Variants in TAF12 observed in about 807,000 individuals in gnomAD.
The protein encoded by TAF12 is transcription initiation factor TFIID subunit 12.
TAF12 carries 3 observed loss-of-function variants against 20.8 expected under a neutral mutation model. That is an observed-to-expected ratio of 0.14 (90% CI 0.07 to 0.37). TAF12 has a LOEUF of 0.37. Among genes scored for constraint, TAF12 ranks in the 10% least tolerant of loss-of-function variants. TAF12 has a pLI of 1.00. For synonymous variants in TAF12, 69 were observed against 70.2 expected (o/e 0.98, Z 0.09); for missense variants, 131 against 197.9 (o/e 0.66, Z 2.03).
At chr1:28,606,703 T>C (rs1666679614) in intron 4 of TAF12, among the ~76,000 whole-genome samples, 1 of 152,226 alleles carries the variant, frequency 6.6e-6, no homozygotes, top group Non-Finnish European at 1.5e-5. Flanking sequence ...ATTTCTTTAG[T>C]TGTCTTAATC....
chr1:28,618,076 T>C (rs1667098434), intron 2 of TAF12, 46 bp from the exon 3 acceptor site: 9 of 1,554,278 alleles, frequency 5.8e-6, no homozygotes, highest in Non-Finnish European at 7.9e-6. Context: ...ATTAAGGAAA[T>C]GAAACAAATC....
intron 1 of TAF12, among the ~76,000 whole-genome samples, chr1:28,625,568 G>A (rs1178326791): frequency 6.9e-6 from 1 of 145,056 alleles, no homozygotes; most frequent in Admixed American, 6.9e-5. Context: ...TTGAGACGGA[G>A]TCTCGCTCTT....
chr1:28,622,994 T>C (rs578059223), intron 1 of TAF12, among the ~76,000 whole-genome samples: 1 of 149,834 alleles, frequency 6.7e-6, no homozygotes, highest in South Asian at 2.1e-4. Context: ...GCCACTGTAC[T>C]CCAGCCTGGG....
intron 1 of TAF12, among the ~76,000 whole-genome samples, chr1:28,641,654 C>T (rs1054540439): frequency 6.6e-6 from 1 of 151,748 alleles, no homozygotes; most frequent in African/African-American, 2.4e-5. Flanking sequence ...ATTAGCAGGG[C>T]GTGGTGGCAC....
chr1:28,648,115 T>C (rs1668246388), upstream of TAF12: 5 of 970,834 alleles, frequency 5.2e-6, no homozygotes, highest in Non-Finnish European at 6.1e-6. Context: ...CTGCCTGGGC[T>C]GCTCCAAGGT....
intron 4 of TAF12, among the ~76,000 whole-genome samples, chr1:28,611,400 G>A (rs1666856470): frequency 6.6e-6 from 1 of 151,980 alleles, no homozygotes; most frequent in South Asian, 2.1e-4. Flanking sequence ...GATATGTTGC[G>A]GTCTTAACCT....
At chr1:28,613,414 T>G in intron 3 of TAF12, 53 bp from the exon 4 acceptor site, 1 of 1,465,488 alleles carries the variant, frequency 6.8e-7, no homozygotes, top group Non-Finnish European at 9.3e-7. Flanking sequence ...GGTAGGCTCC[T>G]GTTGCTGGGA....
upstream of TAF12, among the ~76,000 whole-genome samples, chr1:28,647,067 T>C (rs1047453683): frequency 2.6e-5 from 4 of 151,754 alleles, no homozygotes; most frequent in East Asian, 7.7e-4. Flanking sequence ...CTCCTGATCT[T>C]AGGTGATCCA....
intron 5 of TAF12, 169 bp downstream of exon 5, chr1:28,605,203 C>T: frequency 1.6e-6 from 1 of 622,112 alleles, no homozygotes; most frequent in East Asian, 2.7e-5. Flanking sequence ...TCTTATTGAT[C>T]TCCCGGAGAC....
chr1:28,628,222 AGGGGGTGG>A (rs1249295450), intron 1 of TAF12, among the ~76,000 whole-genome samples: 163 of 3,102 alleles, frequency 0.053, 15 homozygotes, highest in African/African-American at 0.22. Context: ...GACACGGTGC[AGGGGGTGG>A]GGGGGGGGGG....
chr1:28,642,467 G>T (rs543754836), intron 1 of TAF12, among the ~76,000 whole-genome samples: 1 of 151,990 alleles, frequency 6.6e-6, no homozygotes, highest in Non-Finnish European at 1.5e-5. Context: ...CCCGGATCCC[G>T]TCCCCAAAGA....
intron 4 of TAF12, among the ~76,000 whole-genome samples, chr1:28,607,242 G>C (rs1040659415): frequency 3.4e-4 from 51 of 152,186 alleles, no homozygotes; most frequent in African/African-American, 1.2e-3. Flanking sequence ...GTATTTGAAA[G>C]TGACACTGGC....
chr1:28,618,872 C>T (rs912052319), intron 2 of TAF12, among the ~76,000 whole-genome samples: 5 of 152,080 alleles, frequency 3.3e-5, no homozygotes, highest in East Asian at 1.9e-4. Context: ...ATGTTACATA[C>T]GTATGCCATT....
At chr1:28,642,807 C>G in intron 1 of TAF12, 185 bp downstream of exon 1, 1 of 985,774 alleles carries the variant, frequency 1.0e-6, no homozygotes, top group Non-Finnish European at 1.2e-6. Context: ...GTCTTAGAGC[C>G]CGGGTCCCCA....
intron 4 of TAF12, among the ~76,000 whole-genome samples, chr1:28,610,617 T>C (rs1252067855): frequency 1.3e-5 from 2 of 151,672 alleles, no homozygotes; most frequent in African/African-American, 2.4e-5. Flanking sequence ...GCCAGGCCAC[T>C]AGTGGTGGTT....
At chr1:28,630,272 T>C (rs1240506119) in intron 1 of TAF12, among the ~76,000 whole-genome samples, 1 of 152,070 alleles carries the variant, frequency 6.6e-6, no homozygotes, top group Non-Finnish European at 1.5e-5. Flanking sequence ...AAAAATAAGT[T>C]CAGGGCCAGG....
chr1:28,642,633 G>A (rs1488165490), intron 1 of TAF12: 15 of 984,964 alleles, frequency 1.5e-5, no homozygotes, highest in Non-Finnish European at 1.4e-5. Flanking sequence ...AGGAGCCCAA[G>A]TCCTCACCGC....
At chr1:28,616,423 G>GAA (rs1553127951) in intron 3 of TAF12, among the ~76,000 whole-genome samples, 1 of 147,562 alleles carries the variant, frequency 6.8e-6, no homozygotes, top group Non-Finnish European at 1.5e-5. Context: ...AAAAGAAAAA[G>GAA]AAAAACAGTA....
intron 1 of TAF12, among the ~76,000 whole-genome samples, chr1:28,633,153 A>G (rs1222179998): frequency 2.7e-5 from 4 of 147,160 alleles, no homozygotes; most frequent in African/African-American, 1.0e-4. Context: ...TGCACCTCCA[A>G]GCCCGGCCTA....
Sources: allele counts gnomAD v4.1 joint callset (sites outside exome capture counted in the v4.1 genomes callset), GRCh38; gene constraint gnomAD v4.1.1; transcripts MANE v1.5; gene names NCBI Gene and HGNC (gene_info 2026-07-23, HGNC 2026-07-21).